CYYR1: variants seen among roughly 807,000 people sequenced by gnomAD.
CYYR1 encodes cysteine and tyrosine-rich protein 1.
Under a neutral mutation model 15.2 loss-of-function variants are expected in CYYR1, and 14 were observed. The ratio of observed to expected loss-of-function variants is 0.92; its 90% CI spans 0.61 to 1.44. The LOEUF (loss-of-function observed/expected upper bound fraction) is 1.44. Ranked by LOEUF, CYYR1 falls within the 40% of genes most tolerant of loss-of-function variation. The pLI is 0.00. For synonymous variants in CYYR1, 80 were observed against 77.4 expected, an observed-to-expected ratio of 1.03 and a Z score of -0.18; for missense variants, 228 against 209.5, an observed-to-expected ratio of 1.09 and a Z score of -0.54.
intron 2 of CYYR1, among the ~76,000 whole-genome samples, chr21:26,502,613 A>C (rs1339506067): frequency 6.6e-6 from 1 of 152,156 alleles, no homozygotes; most frequent in Non-Finnish European, 1.5e-5. Context: ...GTCTTGATGC[A>C]CACAAGGGCA....
At chr21:26,473,229 C>G (rs1328597441) in intron 3 of CYYR1, among the ~76,000 whole-genome samples, 1 of 152,038 alleles carries the variant, frequency 6.6e-6, no homozygotes, top group Non-Finnish European at 1.5e-5. Flanking sequence ...TGCAAACCTT[C>G]TCATCTACTC....
intron 2 of CYYR1, among the ~76,000 whole-genome samples, chr21:26,565,696 T>C (rs1980567424): frequency 6.6e-6 from 1 of 152,238 alleles, no homozygotes; most frequent in South Asian, 2.1e-4. Context: ...ATTTGTGTTT[T>C]TGTGCCTTGT....
intron 2 of CYYR1, among the ~76,000 whole-genome samples, chr21:26,489,964 A>G (rs919382889): frequency 3.3e-5 from 5 of 152,110 alleles, no homozygotes; most frequent in Non-Finnish European, 7.4e-5. Flanking sequence ...CTACAATTCT[A>G]ACTGACTACC....
intron 2 of CYYR1, among the ~76,000 whole-genome samples, chr21:26,530,216 C>G (rs2065914374): frequency 6.6e-6 from 1 of 152,022 alleles, no homozygotes; most frequent in Admixed American, 6.6e-5. Context: ...GCTCCAGCAG[C>G]CTGAATGATT....
intron 2 of CYYR1, chr21:26,564,547 A>G: frequency 6.9e-6 from 3 of 435,236 alleles, no homozygotes; most frequent in Non-Finnish European, 9.2e-6. Context: ...TAGAACATGT[A>G]CCATAAAAAT....
chr21:26,546,528 T>C (rs1310482674), intron 2 of CYYR1, among the ~76,000 whole-genome samples: 1 of 152,214 alleles, frequency 6.6e-6, no homozygotes, highest in East Asian at 1.9e-4. Flanking sequence ...TACATGGAAG[T>C]GATTATGACC....
At position 26,467,163 on chromosome 21, in the gene CYYR1, C is replaced by T. The variant is rs2064978085; in HGVS notation, c.*1338G>A. 1.3e-5 allele frequency: 2 copies of T among 151,978 alleles called. No individual in the cohort carries two copies. The highest frequency in any genetic ancestry group is 1.5e-5 in the Non-Finnish European group (1 of 67,984). 9.4% of individuals were successfully genotyped at this position (151,978 alleles called of 1,614,324 possible). ...TTTTAGATTTAATTGTAAAATGACACAAAAATCTAATCATCTATTTCCAAT... is the reference window on the plus strand; with the variant it reads ...TTTTAGATTTAATTGTAAAATGACATAAAAATCTAATCATCTATTTCCAAT... On this transcript the variant is annotated 3_prime_UTR_variant, in exon 4 of 4. Coordinates refer to ENST00000652641, the MANE Select transcript of CYYR1 (RefSeq NM_001320768.2).
chr21:26,546,601 T>C (rs1368888197), intron 2 of CYYR1, among the ~76,000 whole-genome samples: 1 of 152,142 alleles, frequency 6.6e-6, no homozygotes. Context: ...AACCCCCAAA[T>C]GGTGAAGTCA....
intron 2 of CYYR1, among the ~76,000 whole-genome samples, chr21:26,544,992 T>C (rs1239618801): frequency 1.3e-5 from 2 of 151,950 alleles, no homozygotes; most frequent in Non-Finnish European, 1.5e-5. Flanking sequence ...ATGATTTGAG[T>C]ATAAAATGAC....
chr21:26,536,016 A>C (rs1340158238), intron 2 of CYYR1, among the ~76,000 whole-genome samples: 2 of 152,180 alleles, frequency 1.3e-5, no homozygotes, highest in Admixed American at 1.3e-4. Flanking sequence ...GCTGTACAAG[A>C]AGCATGGCTG....
At chr21:26,526,043 G>T (rs2065859882) in intron 2 of CYYR1, among the ~76,000 whole-genome samples, 1 of 152,034 alleles carries the variant, frequency 6.6e-6, no homozygotes, top group Non-Finnish European at 1.5e-5. Context: ...GAGAGATCAG[G>T]AAAAATAACT....
chr21:26,528,874 A>T (rs2065896944), intron 2 of CYYR1, among the ~76,000 whole-genome samples: 1 of 152,224 alleles, frequency 6.6e-6, no homozygotes. Flanking sequence ...TAAGAGATGG[A>T]GGAACATTCA....
chr21:26,552,813 C>T (rs562114580), intron 2 of CYYR1, among the ~76,000 whole-genome samples: 2 of 152,096 alleles, frequency 1.3e-5, no homozygotes, highest in Non-Finnish European at 2.9e-5. Flanking sequence ...TTAAATATTA[C>T]ATCTAAACCA....
chr21:26,536,409 G>T (rs532770055), intron 2 of CYYR1, among the ~76,000 whole-genome samples: 1 of 152,220 alleles, frequency 6.6e-6, no homozygotes, highest in African/African-American at 2.4e-5. Flanking sequence ...TTTAAGAAAT[G>T]GTATACCAAA....
chr21:26,489,755 G>T (rs1023437239), intron 2 of CYYR1, among the ~76,000 whole-genome samples: 2 of 152,034 alleles, frequency 1.3e-5, no homozygotes, highest in Non-Finnish European at 2.9e-5. Context: ...GTACATGAAA[G>T]TGATTCATTT....
chr21:26,486,829 C>T (rs555916311), intron 2 of CYYR1, among the ~76,000 whole-genome samples: 42 of 152,008 alleles, frequency 2.8e-4, no homozygotes, highest in Non-Finnish European at 5.7e-4. Context: ...TATACAGCAG[C>T]TTACTAGTTA....
At chr21:26,532,308 G>T (rs1012730574) in intron 2 of CYYR1, among the ~76,000 whole-genome samples, 8 of 152,058 alleles carry the variant, frequency 5.3e-5, no homozygotes, top group Admixed American at 5.2e-4. Context: ...ATGTGTGATG[G>T]GCTTATTGAA....
chr21:26,476,445 T>C lies in CYYR1; in HGVS notation c.334+3827A>G, dbSNP rs147312982. On this transcript the variant is annotated intron_variant, in intron 3 of 3. Transcript: ENST00000652641. ...CTCTAGATTTAGCATCGGTTGATGA[T>C]TTTTGGCTAACTCTTTCTGTATGAT... Among the ~76,000 whole-genome samples the C allele has an allele frequency of 3.3e-3, 496 of 152,272 alleles. 2 individuals carry two copies. Among genetic ancestry groups the C allele is most frequent in the African/African-American group, 0.011 (459 of 41,566 alleles).
intron 2 of CYYR1, among the ~76,000 whole-genome samples, chr21:26,481,968 A>G (rs1368167890): frequency 6.6e-6 from 1 of 151,908 alleles, no homozygotes; most frequent in African/African-American, 2.4e-5. Flanking sequence ...AAATAAAAAT[A>G]TTCACTTTCT....
Sources: gnomAD v4.1 joint callset for allele counts (sites outside exome capture counted in the v4.1 genomes callset) on GRCh38, gnomAD v4.1.1 for gene constraint, MANE v1.5 for transcripts, NCBI Gene and HGNC (gene_info 2026-07-23, HGNC 2026-07-21) for gene names.